The following CAMTA1 variants were observed in gnomAD, a reference collection of about 807,000 sequenced individuals.
CAMTA1 encodes calmodulin-binding transcription activator 1.
CAMTA1 carries 27 observed loss-of-function variants against 170.9 expected under a neutral mutation model. That is an observed-to-expected ratio of 0.16 (90% CI 0.12 to 0.22). CAMTA1 has a LOEUF of 0.22. CAMTA1 is among the 10% of genes least tolerant of loss of function. CAMTA1 has a pLI of 1.00. For synonymous variants in CAMTA1, 833 were observed against 891.5 expected (o/e 0.93, Z 1.17); for missense variants, 1,619 against 2,217.2 (o/e 0.73, Z 5.42).
intron 6 of CAMTA1, among the ~76,000 whole-genome samples, chr1:7,543,493 C>T (rs983651920): frequency 6.6e-6 from 1 of 152,072 alleles, no homozygotes; most frequent in African/African-American, 2.4e-5. Context: ...AACAAAAGAC[C>T]TCATTCTATT....
At chr1:7,654,947 TACAC>T (rs530890489) in intron 7 of CAMTA1, among the ~76,000 whole-genome samples, 10 of 125,350 alleles carry the variant, frequency 8.0e-5, no homozygotes, top group African/African-American at 2.8e-4. Flanking sequence ...CACACACCTA[TACAC>T]ACACAAACAC....
intron 3 of CAMTA1, among the ~76,000 whole-genome samples, chr1:6,881,713 A>G (rs1671661488): frequency 6.6e-6 from 1 of 152,132 alleles, no homozygotes; most frequent in African/African-American, 2.4e-5. Context: ...CACGTCTGTA[A>G]CCCCAGCACT....
At chr1:7,366,242 G>A (rs996236147) in intron 5 of CAMTA1, among the ~76,000 whole-genome samples, 3 of 152,174 alleles carry the variant, frequency 2.0e-5, no homozygotes, top group Non-Finnish European at 4.4e-5. Flanking sequence ...GCACATCTCC[G>A]TCCCTTTGCC....
At chr1:7,439,118 G>C (rs982541616) in intron 5 of CAMTA1, among the ~76,000 whole-genome samples, 1 of 152,172 alleles carries the variant, frequency 6.6e-6, no homozygotes, top group Admixed American at 6.5e-5. Flanking sequence ...TCCTCCCAGG[G>C]CCGAGGGCCC....
chr1:7,012,916 T>C (rs1700017282), intron 3 of CAMTA1, among the ~76,000 whole-genome samples: 1 of 152,148 alleles, frequency 6.6e-6, no homozygotes, highest in Admixed American at 6.5e-5. Flanking sequence ...CCTCCACTTG[T>C]CTCGGGTATA....
At chr1:7,100,313 A>G (rs1253420316) in intron 4 of CAMTA1, among the ~76,000 whole-genome samples, 3 of 152,136 alleles carry the variant, frequency 2.0e-5, no homozygotes, top group Non-Finnish European at 4.4e-5. Context: ...GATTTATATT[A>G]GTTTTCATTC....
chr1:6,788,099 T>G (rs1210629543), intron 1 of CAMTA1, among the ~76,000 whole-genome samples: 1 of 152,192 alleles, frequency 6.6e-6, no homozygotes, highest in African/African-American at 2.4e-5. Flanking sequence ...TTCTTTTCTC[T>G]TGGACAGGGG....
intron 5 of CAMTA1, among the ~76,000 whole-genome samples, chr1:7,418,052 G>A (rs529057207): frequency 9.7e-4 from 147 of 152,130 alleles, no homozygotes; most frequent in African/African-American, 3.3e-3. Flanking sequence ...TGGTGTGGTC[G>A]ATTGCCCCCT....
At chr1:7,659,448 C>T (rs1247534019) in intron 7 of CAMTA1, among the ~76,000 whole-genome samples, 3 of 152,078 alleles carry the variant, frequency 2.0e-5, no homozygotes, top group Non-Finnish European at 4.4e-5. Context: ...GCAGAAGAAT[C>T]GCTTGAACTC....
intron 10 of CAMTA1, chr1:7,672,246 A>G (rs1352622821): frequency 8.5e-6 from 3 of 351,324 alleles, no homozygotes; most frequent in South Asian, 2.1e-5. Flanking sequence ...AGAGCTGGCC[A>G]GTGCTAGGCA....
intron 3 of CAMTA1, among the ~76,000 whole-genome samples, chr1:6,847,696 C>T (rs1047110028): frequency 6.0e-5 from 9 of 151,066 alleles, no homozygotes; most frequent in African/African-American, 1.9e-4. Flanking sequence ...TGCACTGCCA[C>T]CCCCAGCTAA....
intron 6 of CAMTA1, among the ~76,000 whole-genome samples, chr1:7,508,900 A>G (rs2094160498): frequency 6.6e-6 from 1 of 152,160 alleles, no homozygotes; most frequent in Non-Finnish European, 1.5e-5. Context: ...TCTGCAACTC[A>G]CTCAGCTAAT....
In CAMTA1 at chr1:7,751,155, A is replaced by G. The variant is rs10779689; in HGVS notation, c.4690-44A>G. Reference sequence around the variant, plus strand: ...AGCTCGAAGGACGCTGAGCCCGTGCAGCCCCTGTTGTTACTGTGTCGCTTG... The same window carrying G: ...AGCTCGAAGGACGCTGAGCCCGTGCGGCCCCTGTTGTTACTGTGTCGCTTG... On this transcript the variant is annotated intron_variant, in intron 19 of 22. Transcript: ENST00000303635. The G allele has an allele frequency of 0.7, 1,030,470 of 1,469,688 alleles. 364,437 individuals are homozygous for G. Among genetic ancestry groups the G allele is most frequent in the Admixed American group, 0.78 (36,842 of 47,218 alleles). The allele number at this position is 1,469,688 out of a possible 1,614,324, so 91.0% of individuals were successfully genotyped here.
At chr1:7,227,839 C>T (rs1417865244) in intron 4 of CAMTA1, among the ~76,000 whole-genome samples, 2 of 149,218 alleles carry the variant, frequency 1.3e-5, no homozygotes, top group African/African-American at 5.2e-5. Flanking sequence ...CTAGCCCCTC[C>T]CCTCCCCAGG....
intron 1 of CAMTA1, among the ~76,000 whole-genome samples, chr1:6,794,820 T>C (rs534604444): frequency 1.3e-3 from 193 of 152,200 alleles, no homozygotes; most frequent in Middle Eastern, 3.4e-3. Flanking sequence ...TTAATAGTTC[T>C]AAGTAAATCA....
chr1:7,697,938 T>A (rs4908680), intron 11 of CAMTA1, among the ~76,000 whole-genome samples: 3 of 152,088 alleles, frequency 2.0e-5, no homozygotes, highest in African/African-American at 4.8e-5. Flanking sequence ...GAATGGGTAC[T>A]TTCTCTTGAT....
At chr1:7,614,674 T>C (rs1179436865) in intron 6 of CAMTA1, among the ~76,000 whole-genome samples, 1 of 152,156 alleles carries the variant, frequency 6.6e-6, no homozygotes, top group Admixed American at 6.5e-5. Context: ...TTCGAGAACC[T>C]ATAAATGACA....
chr1:7,241,325 A>G (rs1033330877), intron 4 of CAMTA1, among the ~76,000 whole-genome samples: 1 of 152,266 alleles, frequency 6.6e-6, no homozygotes, highest in South Asian at 2.1e-4. Flanking sequence ...ATGTTCTGCA[A>G]TTGGAAGTGG....
chr1:7,596,613 C>T (rs957300619), intron 6 of CAMTA1, among the ~76,000 whole-genome samples: 1 of 152,222 alleles, frequency 6.6e-6, no homozygotes, highest in East Asian at 1.9e-4. Flanking sequence ...CTCAGATGAA[C>T]GATGGGTGCC....
Sources: allele counts gnomAD v4.1 joint callset (sites outside exome capture counted in the v4.1 genomes callset), GRCh38; gene constraint gnomAD v4.1.1; transcripts MANE v1.5; gene names NCBI Gene and HGNC (gene_info 2026-07-23, HGNC 2026-07-21).